Variants in TRPM3 observed in about 807,000 individuals in gnomAD.
The protein encoded by TRPM3 is transient receptor potential cation channel subfamily M member 3.
A neutral mutation model predicts 181.2 loss-of-function variants in TRPM3; 77 were observed. The observed-to-expected ratio is 0.42, with a 90% CI of 0.35 to 0.51. TRPM3 has a LOEUF of 0.51. Ranked by LOEUF, TRPM3 falls within the 20% of genes least tolerant of loss-of-function variation. The probability of loss-of-function intolerance (pLI) is 0.01; values close to 1 mark genes in which losing one functional copy is unlikely to be tolerated. For synonymous variants in TRPM3, 745 were observed against 796.4 expected, an observed-to-expected ratio of 0.94 and a Z score of 1.09; for missense variants, 1,759 against 2,196.7, an observed-to-expected ratio of 0.80 and a Z score of 3.98.
At chr9:70,892,889 C>A (rs2096231011) in intron 1 of TRPM3, among the ~76,000 whole-genome samples, 1 of 152,020 alleles carries the variant, frequency 6.6e-6, no homozygotes, top group Admixed American at 6.6e-5. Context: ...TGATTGTTAC[C>A]TTCACATATC....
At chr9:70,927,845 C>A (rs1202264921) in intron 1 of TRPM3, among the ~76,000 whole-genome samples, 1 of 152,166 alleles carries the variant, frequency 6.6e-6, no homozygotes, top group Non-Finnish European at 1.5e-5. Flanking sequence ...GTTTAAGCTG[C>A]CTCCTGTCTA....
At chr9:71,187,946 GATAGATC>G (rs2077782977) in intron 1 of TRPM3, among the ~76,000 whole-genome samples, 1 of 51,344 alleles carries the variant, frequency 1.9e-5, no homozygotes. Flanking sequence ...TAGATAGATA[GATAGATC>G]ATCGCATTTT....
At position 70,536,574 on chromosome 9, in the gene TRPM3, A is replaced by G; in HGVS notation, c.4539T>C (p.Ser1513=). ...AGGGTGTGGTGGCTAGGTAGCGGCT[A>G]CTTTTGGAACGCTCAATGGTGTGGT... ...PMYHTIERSK[S]SRYLATTPFL... The change falls in exon 26 of 26, where the codon AGT becomes AGC. Residue 1513 remains serine, a synonymous_variant. Coordinates refer to ENST00000677713, the MANE Select transcript of TRPM3 (RefSeq NM_001366145.2). The G allele has an allele frequency of 6.2e-7, 1 of 1,614,078 alleles. No individual in the cohort carries two copies. Among genetic ancestry groups the G allele is most frequent in the South Asian group, 1.1e-5 (1 of 91,074 alleles).
intron 4 of TRPM3, 91 bp downstream of exon 4, chr9:70,846,287 G>T: frequency 8.3e-7 from 1 of 1,207,000 alleles, no homozygotes. Flanking sequence ...GAAGTGGGGT[G>T]ATATAGAAAT....
At chr9:71,320,112 A>C (rs768739868) in intron 1 of TRPM3, among the ~76,000 whole-genome samples, 2 of 151,828 alleles carry the variant, frequency 1.3e-5, no homozygotes, top group African/African-American at 4.9e-5. Flanking sequence ...CAGCCATCCC[A>C]GAATATATTG....
chr9:71,381,221 T>G (rs2092792594), intron 1 of TRPM3, among the ~76,000 whole-genome samples: 1 of 152,094 alleles, frequency 6.6e-6, no homozygotes, highest in Non-Finnish European at 1.5e-5. Context: ...CAGGGGTGAC[T>G]TTTTGGACAA....
rs1487364516 is a variant in TRPM3, at chr9:70,571,045, T to A, written c.3224-17735A>T. On this transcript the variant is annotated intron_variant, in intron 22 of 25. Coordinates refer to ENST00000677713, the MANE Select transcript of TRPM3 (RefSeq NM_001366145.2). ...GGCCAGAAAATGTCTCCCTGATGTA[T>A]CTTACCAAATGGAAGCCCGTAGCAT... Among the ~76,000 whole-genome samples the A allele has an allele frequency of 3.3e-5, 5 of 152,194 alleles. No individual in the cohort carries two copies. The East Asian group carries it at 9.6e-4, about 29-fold the overall frequency.
At chr9:71,418,885 T>C (rs1199322618) in intron 1 of TRPM3, among the ~76,000 whole-genome samples, 3 of 132,468 alleles carry the variant, frequency 2.3e-5, no homozygotes, top group Non-Finnish European at 3.3e-5. Flanking sequence ...TGTATATATA[T>C]ACACACATAT....
intron 12 of TRPM3, among the ~76,000 whole-genome samples, chr9:70,630,774 CTA>C (rs2065687753): frequency 6.6e-6 from 1 of 152,150 alleles, no homozygotes; most frequent in Non-Finnish European, 1.5e-5. Context: ...GGCTTGGGTT[CTA>C]TGAGTAGGTA....
chr9:71,410,973 A>G (rs375054399), intron 1 of TRPM3, among the ~76,000 whole-genome samples: 2 of 152,334 alleles, frequency 1.3e-5, no homozygotes, highest in East Asian at 3.9e-4. Context: ...AACGTAATCC[A>G]TCATATAAAC....
chr9:71,082,548 T>TAA (rs1256295966), intron 1 of TRPM3, among the ~76,000 whole-genome samples: 1 of 152,172 alleles, frequency 6.6e-6, no homozygotes, highest in Non-Finnish European at 1.5e-5. Context: ...CAAACACTGT[T>TAA]AAATGATAGT....
intron 1 of TRPM3, among the ~76,000 whole-genome samples, chr9:71,203,766 A>G (rs2078945087): frequency 6.6e-6 from 1 of 152,180 alleles, no homozygotes; most frequent in Non-Finnish European, 1.5e-5. Flanking sequence ...GCTTTATACA[A>G]GTATTGGCTG....
intron 9 of TRPM3, among the ~76,000 whole-genome samples, chr9:70,677,676 T>C (rs1340468795): frequency 6.6e-6 from 1 of 152,246 alleles, no homozygotes; most frequent in Non-Finnish European, 1.5e-5. Flanking sequence ...AGCATAAAAA[T>C]GAAAAGTTTT....
chr9:71,041,168 A>C (rs1490069091), intron 1 of TRPM3, among the ~76,000 whole-genome samples: 1 of 152,144 alleles, frequency 6.6e-6, no homozygotes, highest in Admixed American at 6.5e-5. Flanking sequence ...ACTATGTCTG[A>C]AACTGTTCTT....
chr9:71,107,615 G>A (rs2070008169), intron 1 of TRPM3, among the ~76,000 whole-genome samples: 1 of 152,146 alleles, frequency 6.6e-6, no homozygotes, highest in Non-Finnish European at 1.5e-5. Flanking sequence ...AGTATGTGAA[G>A]AGTAAATCAG....
intron 1 of TRPM3, among the ~76,000 whole-genome samples, chr9:71,145,353 G>A (rs1023789810): frequency 2.0e-5 from 3 of 152,148 alleles, no homozygotes; most frequent in African/African-American, 7.2e-5. Context: ...TCAGCCAAGG[G>A]CTTCTGCTGC....
chr9:70,998,148 TATATATAC>T (rs199898964), intron 1 of TRPM3, among the ~76,000 whole-genome samples: 28,553 of 77,732 alleles, frequency 0.37, 3,324 homozygotes, highest in African/African-American at 0.44. Flanking sequence ...TATACACATA[TATATATAC>T]ATATATACAT....
At position 70,534,432 on chromosome 9, in the gene TRPM3, T is replaced by G. The variant is rs919465411; in HGVS notation, c.*1521A>C. 2.6e-5 allele frequency: 4 copies of G among 152,334 alleles called. No individual in the cohort carries two copies. Among genetic ancestry groups the G allele is most frequent in the African/African-American group, 9.6e-5 (4 of 41,584 alleles). 9.4% of individuals were successfully genotyped at this position (152,334 alleles called of 1,614,324 possible). On this transcript the variant is annotated 3_prime_UTR_variant, in exon 26 of 26. Coordinates refer to ENST00000677713, the MANE Select transcript of TRPM3 (RefSeq NM_001366145.2). ...ACTTCTTGTATATTAAAAAAAATCT[T>G]GATTATACTTCAAGGTGATAGAAAA...
chr9:70,599,306 T>C (rs2059496610), intron 20 of TRPM3, among the ~76,000 whole-genome samples: 1 of 152,194 alleles, frequency 6.6e-6, no homozygotes, highest in Non-Finnish European at 1.5e-5. Context: ...ATTACCAGGT[T>C]ATATGCATAG....
Sources: allele counts gnomAD v4.1 joint callset (sites outside exome capture counted in the v4.1 genomes callset), GRCh38; gene constraint gnomAD v4.1.1; transcripts MANE v1.5; gene names NCBI Gene and HGNC (gene_info 2026-07-23, HGNC 2026-07-21).